Variants in KSR2 observed in about 807,000 individuals in gnomAD.
KSR2 encodes kinase suppressor of ras 2.
In KSR2, 25 loss-of-function variants were observed where a neutral mutation model predicts 107.8. That is an observed-to-expected ratio of 0.23 (90% confidence interval 0.17 to 0.32). The LOEUF (loss-of-function observed/expected upper bound fraction) is 0.32, where lower values mean the gene tolerates loss of function less well. KSR2 is among the 10% of genes least tolerant of loss of function. The pLI, the probability that KSR2 is intolerant of heterozygous loss-of-function variation, is 1.00. For missense variants in KSR2, 887 were observed against 1,268.9 expected, an observed-to-expected ratio of 0.70 and a Z score of 4.57; for synonymous variants, 480 against 507.0, an observed-to-expected ratio of 0.95 and a Z score of 0.71.
chr12:117,762,670 G>T (rs1448272615), intron 3 of KSR2, among the ~76,000 whole-genome samples: 1 of 152,114 alleles, frequency 6.6e-6, no homozygotes, highest in Non-Finnish European at 1.5e-5. Context: ...TTTGAGACCA[G>T]CCTGGCCAAC....
At chr12:117,888,407 C>T (rs1341053189) in intron 1 of KSR2, among the ~76,000 whole-genome samples, 1 of 152,146 alleles carries the variant, frequency 6.6e-6, no homozygotes, top group Non-Finnish European at 1.5e-5. Flanking sequence ...AGAAAGTACA[C>T]AAGAGATTAG....
chr12:117,705,125 C>T (rs1886472685), intron 4 of KSR2, among the ~76,000 whole-genome samples: 1 of 152,086 alleles, frequency 6.6e-6, no homozygotes. Context: ...AGGATGAGTT[C>T]ATTACAGTGA....
intron 3 of KSR2, among the ~76,000 whole-genome samples, chr12:117,803,214 C>T (rs1890894498): frequency 6.6e-6 from 1 of 152,172 alleles, no homozygotes; most frequent in African/African-American, 2.4e-5. Flanking sequence ...TCAGCCTCTC[C>T]TTTATTAAGC....
intron 1 of KSR2, among the ~76,000 whole-genome samples, chr12:117,879,615 G>T (rs540302525): frequency 2.6e-5 from 4 of 152,364 alleles, no homozygotes; most frequent in Non-Finnish European, 5.9e-5. Flanking sequence ...TATTCAGGAG[G>T]CTGAGGTCAG....
At chr12:117,782,400 A>G (rs923593488) in intron 3 of KSR2, among the ~76,000 whole-genome samples, 6 of 152,122 alleles carry the variant, frequency 3.9e-5, no homozygotes, top group Admixed American at 1.3e-4. Flanking sequence ...AGTAGCTAGG[A>G]CTATAGGCGT....
chr12:117,812,447 A>T (rs1465057826), intron 3 of KSR2, among the ~76,000 whole-genome samples: 1 of 152,178 alleles, frequency 6.6e-6, no homozygotes, highest in Non-Finnish European at 1.5e-5. Context: ...TTTCTATTAG[A>T]GAGTTGATCT....
At chr12:117,861,590 A>G (rs190031738) in intron 1 of KSR2, among the ~76,000 whole-genome samples, 2,653 of 151,338 alleles carry the variant, frequency 0.018, 78 homozygotes, top group African/African-American at 0.061. Flanking sequence ...GGGTTTCACC[A>G]TGTTAGCCAG....
At chr12:117,941,287 C>T (rs1895996982) in intron 1 of KSR2, among the ~76,000 whole-genome samples, 1 of 151,914 alleles carries the variant, frequency 6.6e-6, no homozygotes, top group Non-Finnish European at 1.5e-5. Context: ...GGGTTTCCTG[C>T]CTGGCCCCCA....
intron 14 of KSR2, among the ~76,000 whole-genome samples, chr12:117,486,104 A>C (rs1467672811): frequency 2.6e-5 from 4 of 152,224 alleles, no homozygotes; most frequent in Non-Finnish European, 5.9e-5. Context: ...GTGTGAGGAC[A>C]GTGATGAAAG....
At chr12:117,843,837 G>A (rs534192592) in intron 3 of KSR2, among the ~76,000 whole-genome samples, 1 of 152,068 alleles carries the variant, frequency 6.6e-6, no homozygotes, top group South Asian at 2.1e-4. Context: ...TCCAACAGCT[G>A]GACGTATTGG....
At chr12:117,729,156 T>TA (rs1887561795) in intron 4 of KSR2, among the ~76,000 whole-genome samples, 1 of 151,702 alleles carries the variant, frequency 6.6e-6, no homozygotes, top group African/African-American at 2.4e-5. Context: ...TTTTTTTTTT[T>TA]ACCAGTAAGA....
chr12:117,491,849 G>C (rs1473948560), intron 14 of KSR2, among the ~76,000 whole-genome samples: 2 of 152,280 alleles, frequency 1.3e-5, no homozygotes, highest in South Asian at 2.1e-4. Flanking sequence ...CTTTCTCTGA[G>C]TCTCTGGCAT....
chr12:117,767,152 G>A (rs534077433), intron 3 of KSR2, among the ~76,000 whole-genome samples: 2 of 151,594 alleles, frequency 1.3e-5, no homozygotes, highest in South Asian at 2.1e-4. Flanking sequence ...GGTGGCTCAC[G>A]CCTGTAATCC....
At chr12:117,695,294 G>C (rs1886006984) in intron 4 of KSR2, among the ~76,000 whole-genome samples, 2 of 152,098 alleles carry the variant, frequency 1.3e-5, no homozygotes, top group South Asian at 4.2e-4. Flanking sequence ...AGGGTTCTGG[G>C]GATGGATAAT....
At chr12:117,636,583 A>C (rs532755196) in intron 5 of KSR2, among the ~76,000 whole-genome samples, 47 of 152,258 alleles carry the variant, frequency 3.1e-4, no homozygotes, top group African/African-American at 1.1e-3. Flanking sequence ...TTATTCAATA[A>C]ACGCCACTAG....
intron 14 of KSR2, among the ~76,000 whole-genome samples, chr12:117,489,548 CAAAA>C (rs11358177): frequency 6.9e-5 from 6 of 87,226 alleles, no homozygotes; most frequent in African/African-American, 3.9e-5. Context: ...GACCCTGTCT[CAAAA>C]AAAAAAAAAA....
intron 1 of KSR2, among the ~76,000 whole-genome samples, chr12:117,940,373 A>G (rs907256078): frequency 6.6e-5 from 10 of 152,192 alleles, no homozygotes; most frequent in African/African-American, 2.2e-4. Flanking sequence ...TATTCAACTT[A>G]TATCTATTCT....
chr12:117,730,971 C>T (rs775624753), intron 4 of KSR2, among the ~76,000 whole-genome samples: 7 of 151,658 alleles, frequency 4.6e-5, no homozygotes, highest in Non-Finnish European at 8.8e-5. Flanking sequence ...GGACGTCCAT[C>T]GTCTGGGATG....
intron 14 of KSR2, among the ~76,000 whole-genome samples, chr12:117,505,585 G>T (rs1376623946): frequency 6.6e-6 from 1 of 152,176 alleles, no homozygotes; most frequent in Non-Finnish European, 1.5e-5. Context: ...CGTAAAGTAT[G>T]TATAATGTGC....
Sources: allele counts gnomAD v4.1 joint callset (sites outside exome capture counted in the v4.1 genomes callset), GRCh38; gene constraint gnomAD v4.1.1; transcripts MANE v1.5; gene names NCBI Gene and HGNC (gene_info 2026-07-23, HGNC 2026-07-21).